OSBPL6: variants seen among roughly 807,000 people sequenced by gnomAD.
The protein encoded by OSBPL6 is oxysterol binding protein like 6.
In OSBPL6, 49 loss-of-function variants were observed where a neutral mutation model predicts 125.8. The ratio of observed to expected loss-of-function variants is 0.39; its 90% CI spans 0.31 to 0.49. The LOEUF (loss-of-function observed/expected upper bound fraction) is 0.49. Ranked by LOEUF, OSBPL6 falls within the 20% of genes least tolerant of loss-of-function variation. OSBPL6 has a pLI of 0.88. For synonymous variants in OSBPL6, 394 were observed against 391.8 expected, an observed-to-expected ratio of 1.01 and a Z score of -0.07; for missense variants, 986 against 1,135.4, an observed-to-expected ratio of 0.87 and a Z score of 1.89.
intron 1 of OSBPL6, among the ~76,000 whole-genome samples, chr2:178,209,888 T>C (rs1413498632): frequency 1.3e-5 from 2 of 152,040 alleles, no homozygotes; most frequent in African/African-American, 4.8e-5. Context: ...CTAAATAACT[T>C]AAAAAGCTTC....
chr2:178,236,280 C>T (rs1480492875), intron 1 of OSBPL6, among the ~76,000 whole-genome samples: 1 of 151,996 alleles, frequency 6.6e-6, no homozygotes, highest in African/African-American at 2.4e-5. Context: ...TGTCTTAGTT[C>T]AATTAATTAG....
Position 178,284,878 on chromosome 2 carries a change from C to T in OSBPL6, c.-350-49C>T, listed in dbSNP as rs150214677. ...ATAGGCAGTCCCCGTGAGAGGCTCA[C>T]GAAAGTTTTGTAAAGATGTACTATA... On this transcript the variant is annotated intron_variant, in intron 1 of 24. Transcript: ENST00000190611. 2.9e-4 allele frequency: 116 copies of T among 394,910 alleles called. 1 individual carries two copies. The highest frequency in any genetic ancestry group is 1.6e-3 in the East Asian group (46 of 27,906). The allele number at this position is 394,910 out of a possible 1,614,324, so 24.5% of individuals were successfully genotyped here.
chr2:178,281,373 G>C (rs1375820344), intron 1 of OSBPL6, among the ~76,000 whole-genome samples: 4 of 152,072 alleles, frequency 2.6e-5, no homozygotes, highest in South Asian at 2.1e-4. Context: ...GTATTGCCTA[G>C]ACTTTCTTCT....
chr2:178,264,184 G>GA (rs942744830), intron 1 of OSBPL6, among the ~76,000 whole-genome samples: 5 of 150,730 alleles, frequency 3.3e-5, no homozygotes, highest in African/African-American at 2.4e-5. Flanking sequence ...CATAAAACAT[G>GA]AAAAAAAAAG....
At position 178,360,570 on chromosome 2, in the gene OSBPL6, T is replaced by A. The variant is rs575324819; in HGVS notation, c.1154-1112T>A. On this transcript the variant is annotated intron_variant, in intron 12 of 24. Coordinates refer to ENST00000190611, the MANE Select transcript of OSBPL6 (RefSeq NM_032523.4). ...CTATATACCTTAAATACATACACAATAAAAAAAATTTTTAAGCCTCCATTG... is the reference window on the plus strand; with the variant it reads ...CTATATACCTTAAATACATACACAAAAAAAAAAATTTTTAAGCCTCCATTG... Among the ~76,000 whole-genome samples, 73 of 152,144 alleles carry A rather than the reference T, an allele frequency of 4.8e-4. 1 individual carries two copies. The highest frequency in any genetic ancestry group is 1.7e-3 in the African/African-American group (69 of 41,524).
At chr2:178,355,102 T>G (rs1174880915) in intron 12 of OSBPL6, among the ~76,000 whole-genome samples, 1 of 152,086 alleles carries the variant, frequency 6.6e-6, no homozygotes, top group Non-Finnish European at 1.5e-5. Context: ...TAGAGGGAAA[T>G]TTATAGCACT....
In OSBPL6 at chr2:178,344,110, T is replaced by C. The variant is rs182968014; in HGVS notation, c.987+4346T>C. ...TCAGATGTTTGAGTAATGAGAATGA[T>C]GAACATTTCTCATAGCATGAACTCC... On this transcript the variant is annotated intron_variant, in intron 11 of 24. Transcript: ENST00000190611. Among the ~76,000 whole-genome samples, 7 of 152,322 alleles carry C rather than the reference T, an allele frequency of 4.6e-5. No individual in the cohort carries two copies. In the East Asian group the frequency reaches 1.3e-3, roughly 29 times the overall value.
intron 11 of OSBPL6, 23 bp downstream of exon 11, chr2:178,339,787 A>G (rs999226648): frequency 4.5e-6 from 7 of 1,553,436 alleles, no homozygotes; most frequent in South Asian, 1.2e-5. Flanking sequence ...CTTTTCCTTC[A>G]TTCACGTTTC....
chr2:178,387,505 A>C (rs1695046415), intron 20 of OSBPL6, among the ~76,000 whole-genome samples: 1 of 152,222 alleles, frequency 6.6e-6, no homozygotes, highest in South Asian at 2.1e-4. Context: ...TTTATCAAAG[A>C]AGAGTGATGA....
At chr2:178,332,263 G>T (rs1055037519) in intron 6 of OSBPL6, among the ~76,000 whole-genome samples, 6 of 152,178 alleles carry the variant, frequency 3.9e-5, no homozygotes, top group Admixed American at 3.9e-4. Context: ...GCAGCTGTCT[G>T]CCAGCTGATT....
chr2:178,312,185 G>A (rs1253625332), intron 3 of OSBPL6, among the ~76,000 whole-genome samples: 1 of 143,902 alleles, frequency 6.9e-6, no homozygotes, highest in African/African-American at 2.6e-5. Context: ...TTTTGAGATG[G>A]AGTTTCGCTC....
chr2:178,256,445 T>C (rs2091890391), intron 1 of OSBPL6, among the ~76,000 whole-genome samples: 1 of 152,224 alleles, frequency 6.6e-6, no homozygotes, highest in Non-Finnish European at 1.5e-5. Flanking sequence ...GTTTCAAGCA[T>C]GCTTTTCTTT....
intron 11 of OSBPL6, among the ~76,000 whole-genome samples, chr2:178,344,700 A>G (rs920343712): frequency 3.9e-5 from 6 of 151,964 alleles, no homozygotes; most frequent in African/African-American, 1.4e-4. Flanking sequence ...CTGATATTGG[A>G]ACTTTTGCTA....
At chr2:178,257,654 T>C (rs372854510) in intron 1 of OSBPL6, among the ~76,000 whole-genome samples, 1 of 152,202 alleles carries the variant, frequency 6.6e-6, no homozygotes, top group African/African-American at 2.4e-5. Context: ...AAGGTTATTT[T>C]GAATAAGGTG....
At chr2:178,255,039 C>G (rs2091835704) in intron 1 of OSBPL6, among the ~76,000 whole-genome samples, 1 of 152,184 alleles carries the variant, frequency 6.6e-6, no homozygotes, top group Admixed American at 6.5e-5. Flanking sequence ...AGCGGTGGCT[C>G]AGGCCTGTAA....
intron 11 of OSBPL6, among the ~76,000 whole-genome samples, chr2:178,343,135 C>T (rs143847099): frequency 1.3e-5 from 2 of 152,168 alleles, no homozygotes; most frequent in East Asian, 1.9e-4. Context: ...ATTTTTCTGA[C>T]ATCCCAAAAA....
intron 5 of OSBPL6, 66 bp downstream of exon 5, chr2:178,328,444 A>G: frequency 1.3e-6 from 2 of 1,569,328 alleles, no homozygotes; most frequent in Non-Finnish European, 1.7e-6. Flanking sequence ...ATTTGCTATC[A>G]TGGGGTGGGA....
At chr2:178,283,499 A>G (rs1425805894) in intron 1 of OSBPL6, among the ~76,000 whole-genome samples, 1 of 152,202 alleles carries the variant, frequency 6.6e-6, no homozygotes, top group Non-Finnish European at 1.5e-5. Context: ...AGAGAGGTTT[A>G]TGGCTGGAAG....
chr2:178,361,659 T>G (rs1349957071), intron 12 of OSBPL6, 23 bp from the exon 13 acceptor site: 1 of 1,612,390 alleles, frequency 6.2e-7, no homozygotes, highest in African/African-American at 1.3e-5. Context: ...TGACAGTTTT[T>G]TCTCACTTTT....
Sources: allele counts gnomAD v4.1 joint callset (sites outside exome capture counted in the v4.1 genomes callset), GRCh38; gene constraint gnomAD v4.1.1; transcripts MANE v1.5; gene names NCBI Gene and HGNC (gene_info 2026-07-23, HGNC 2026-07-21).